MBTPS1: variants seen among roughly 807,000 people sequenced by gnomAD.
MBTPS1 encodes the protein membrane-bound transcription factor site-1 protease.
Under a neutral mutation model 127.8 loss-of-function variants are expected in MBTPS1, and 94 were observed. That is an observed-to-expected ratio of 0.74 (90% CI 0.62 to 0.87). The LOEUF is 0.87. Ranked by LOEUF, MBTPS1 falls within the 40% of genes least tolerant of loss-of-function variation. The pLI is 0.00. For synonymous variants in MBTPS1, 632 were observed against 509.4 expected (o/e 1.24, Z -3.24); for missense variants, 1,636 against 1,353.2 (o/e 1.21, Z -3.28).
At chr16:84,068,967 C>A (rs544679039) in intron 14 of MBTPS1, among the ~76,000 whole-genome samples, 20 of 152,264 alleles carry the variant, frequency 1.3e-4, no homozygotes, top group Non-Finnish European at 2.8e-4. Flanking sequence ...CTCTAGGGGT[C>A]ACCTCATTCT....
intron 3 of MBTPS1, 102 bp from the exon 4 acceptor site, chr16:84,095,907 C>A: frequency 1.1e-6 from 1 of 897,488 alleles, no homozygotes; most frequent in Non-Finnish European, 1.8e-6. Flanking sequence ...TACCATTTGC[C>A]ACTCTGTTTG....
chr16:84,053,810 C>T lies in MBTPS1; in HGVS notation c.*639G>A, dbSNP rs1281746770. On this transcript the variant is annotated 3_prime_UTR_variant, in exon 23 of 23. Coordinates refer to ENST00000343411, the MANE Select transcript of MBTPS1 (RefSeq NM_003791.4). The stretch of plus-strand genomic sequence containing the variant: ...CATATTTATTGAAAATTTTCTTCAC[C>T]GACAATGGTGAAATCAAGACCTCAA... 6.6e-6 allele frequency: 1 copy of T among 152,046 alleles called. No homozygotes were observed. Among genetic ancestry groups the T allele is most frequent in the Non-Finnish European group, 1.5e-5 (1 of 68,024 alleles). 9.4% of individuals were successfully genotyped at this position (152,046 alleles called of 1,614,324 possible).
chr16:84,093,852 T>C (rs1339844207), intron 4 of MBTPS1, 31 bp from the exon 5 acceptor site: 1 of 1,431,286 alleles, frequency 7.0e-7, no homozygotes, highest in Admixed American at 1.7e-5. Flanking sequence ...AACACAATTA[T>C]GTTTGAAGAA....
intron 11 of MBTPS1, among the ~76,000 whole-genome samples, chr16:84,076,781 T>A (rs2085859844): frequency 6.6e-6 from 1 of 152,260 alleles, no homozygotes; most frequent in Non-Finnish European, 1.5e-5. Flanking sequence ...ACATATCCTT[T>A]GCTCTTAGAC....
chr16:84,091,035 A>G, intron 7 of MBTPS1, 93 bp from the exon 8 acceptor site: 2 of 963,402 alleles, frequency 2.1e-6, no homozygotes, highest in Non-Finnish European at 3.2e-6. Context: ...ACGTCTAAAA[A>G]CAGTTCTAAA....
chr16:84,101,903 A>G lies in MBTPS1; in HGVS notation c.-120T>C. 1 of 900,318 alleles carries G rather than the reference A, an allele frequency of 1.1e-6. No homozygotes were observed. Among genetic ancestry groups the G allele is most frequent in the Admixed American group, 2.4e-5 (1 of 42,280 alleles). The allele number at this position is 900,318 out of a possible 1,614,324, so 55.8% of individuals were successfully genotyped here. ...CAACATTACTAATCAGCCATCTTACAGTCTTGCCCAACATAAATAAAAGTT... is the reference window on the plus strand; with the variant it reads ...CAACATTACTAATCAGCCATCTTACGGTCTTGCCCAACATAAATAAAAGTT... On this transcript the variant is annotated 5_prime_UTR_variant, in exon 2 of 23. Transcript: ENST00000343411.
intron 1 of MBTPS1, among the ~76,000 whole-genome samples, chr16:84,111,369 G>A (rs1017570795): frequency 2.0e-5 from 3 of 152,008 alleles, no homozygotes; most frequent in African/African-American, 4.8e-5. Flanking sequence ...GTGAAACCCC[G>A]TCTCTACAAA....
chr16:84,061,007 A>G, intron 19 of MBTPS1, 194 bp from the exon 20 acceptor site: 1 of 454,898 alleles, frequency 2.2e-6, no homozygotes, highest in Non-Finnish European at 3.9e-6. Flanking sequence ...CTAATTTTTT[A>G]TTTTTTGCAG....
intron 15 of MBTPS1, 106 bp downstream of exon 15, chr16:84,068,233 C>T (rs1420114169): frequency 6.2e-6 from 5 of 808,024 alleles, no homozygotes; most frequent in African/African-American, 5.1e-5. Flanking sequence ...ACGGCGCATA[C>T]TCCCTTGGTA....
intron 11 of MBTPS1, among the ~76,000 whole-genome samples, chr16:84,081,127 C>T (rs1232962844): frequency 6.6e-6 from 1 of 152,224 alleles, no homozygotes; most frequent in Non-Finnish European, 1.5e-5. Context: ...CATTTCCAGA[C>T]TCTGACGCTC....
At chr16:84,108,317 T>G (rs2086353030) in intron 1 of MBTPS1, among the ~76,000 whole-genome samples, 1 of 152,054 alleles carries the variant, frequency 6.6e-6, no homozygotes, top group East Asian at 1.9e-4. Flanking sequence ...CAGGCTGGAG[T>G]GCAATGGCAC....
At chr16:84,099,794 A>T (rs1033217637) in intron 2 of MBTPS1, among the ~76,000 whole-genome samples, 5 of 151,308 alleles carry the variant, frequency 3.3e-5, no homozygotes, top group Admixed American at 6.6e-5. Context: ...AAAAAAAAAG[A>T]TCTCTATGAA....
intron 1 of MBTPS1, among the ~76,000 whole-genome samples, chr16:84,103,495 A>G (rs1465606676): frequency 6.6e-6 from 1 of 152,128 alleles, no homozygotes; most frequent in Non-Finnish European, 1.5e-5. Context: ...CAGGTGATCC[A>G]GCCACCTTGG....
At chr16:84,063,475 A>C (rs768489393) in intron 18 of MBTPS1, 30 bp from the exon 19 acceptor site, 1 of 1,608,324 alleles carries the variant, frequency 6.2e-7, no homozygotes, top group Non-Finnish European at 8.5e-7. Flanking sequence ...AACAACAGCC[A>C]TGAGAGTTTC....
intron 2 of MBTPS1, among the ~76,000 whole-genome samples, chr16:84,100,954 G>A (rs2086244867): frequency 7.4e-6 from 1 of 135,844 alleles, no homozygotes; most frequent in African/African-American, 2.8e-5. Flanking sequence ...AGGAGTTCAA[G>A]ACCAGCCTGG....
At chr16:84,085,576 C>CA (rs1432762469) in intron 9 of MBTPS1, among the ~76,000 whole-genome samples, 8 of 97,692 alleles carry the variant, frequency 8.2e-5, no homozygotes, top group African/African-American at 1.7e-4. Flanking sequence ...CACCCGCCCC[C>CA]CCCCCAAAAA....
At chr16:84,095,472 G>C in intron 4 of MBTPS1, 130 bp downstream of exon 4, 1 of 903,392 alleles carries the variant, frequency 1.1e-6, no homozygotes, top group African/African-American at 1.7e-5. Flanking sequence ...GATGTGGAAG[G>C]CTGCAGGGCT....
rs961985636 is a variant in MBTPS1 at position 84,068,203 on chromosome 16, C to T, written c.2071+136G>A. On this transcript the variant is annotated intron_variant, in intron 15 of 22. Coordinates refer to ENST00000343411, the MANE Select transcript of MBTPS1 (RefSeq NM_003791.4). ...ACCTGTTTCAGAGCCTCGCCCCAGG[C>T]TCACCCAGCTGTGGGGCCCACGGCG... 15 of 669,214 alleles carry T rather than the reference C, an allele frequency of 2.2e-5. 1 individual carries two copies. The highest frequency in any genetic ancestry group is 7.2e-5 in the African/African-American group (4 of 55,882). The allele number at this position is 669,214 out of a possible 1,614,324, so 41.5% of individuals were successfully genotyped here.
At chr16:84,109,665 A>C (rs1484527008) in intron 1 of MBTPS1, 1 of 152,340 alleles carries the variant, frequency 6.6e-6, no homozygotes, top group African/African-American at 2.4e-5. Context: ...AATTTTCCTA[A>C]GCACCAAGGT....
Sources: gnomAD v4.1 joint callset for allele counts (sites outside exome capture counted in the v4.1 genomes callset) on GRCh38, gnomAD v4.1.1 for gene constraint, MANE v1.5 for transcripts, NCBI Gene and HGNC (gene_info 2026-07-23, HGNC 2026-07-21) for gene names.